Variants in FOXP1 observed in about 807,000 individuals in gnomAD.
FOXP1 encodes forkhead box protein P1.
A neutral mutation model predicts 98.2 loss-of-function variants in FOXP1; 15 were observed. That is an observed-to-expected ratio of 0.15 (90% confidence interval 0.10 to 0.24). The LOEUF is 0.24. Among genes scored for constraint, FOXP1 ranks in the 10% least tolerant of loss-of-function variants. The pLI is 1.00. For synonymous variants in FOXP1, 371 were observed against 314.5 expected, an observed-to-expected ratio of 1.18 and a Z score of -1.90; for missense variants, 633 against 848.5, an observed-to-expected ratio of 0.75 and a Z score of 3.15.
At chr3:71,092,199 AC>A (rs1477339300) in intron 7 of FOXP1, among the ~76,000 whole-genome samples, 1 of 150,644 alleles carries the variant, frequency 6.6e-6, no homozygotes, top group African/African-American at 2.5e-5. Flanking sequence ...CAGAAAAAAA[AC>A]AAAAAACAAA....
At chr3:71,522,675 A>G (rs1423644744) in intron 2 of FOXP1, among the ~76,000 whole-genome samples, 1 of 152,222 alleles carries the variant, frequency 6.6e-6, no homozygotes, top group African/African-American at 2.4e-5. Flanking sequence ...GTTCTGGGCC[A>G]ATGCCAGCCT....
chr3:71,460,211 G>C (rs2087920332), intron 3 of FOXP1, among the ~76,000 whole-genome samples: 1 of 150,878 alleles, frequency 6.6e-6, no homozygotes, highest in Non-Finnish European at 1.5e-5. Flanking sequence ...CCATTTAGCT[G>C]GTCTAGAGGA....
At chr3:71,226,382 T>TA (rs1386673079) in intron 5 of FOXP1, among the ~76,000 whole-genome samples, 2 of 152,148 alleles carry the variant, frequency 1.3e-5, no homozygotes, top group Non-Finnish European at 2.9e-5. Context: ...AGCATTGCCT[T>TA]TTCAGTTTGG....
chr3:71,101,001 G>A (rs2056909053), intron 7 of FOXP1, among the ~76,000 whole-genome samples: 2 of 152,166 alleles, frequency 1.3e-5, no homozygotes, highest in South Asian at 2.1e-4. Context: ...TTTGAGGGGA[G>A]GGGGTGACGG....
Position 71,078,186 on chromosome 3 carries a change from T to C in FOXP1, c.283-24413A>G, listed in dbSNP as rs932145829. On this transcript the variant is annotated intron_variant, in intron 7 of 20. Coordinates refer to ENST00000649528, the MANE Select transcript of FOXP1 (RefSeq NM_001349338.3). ...CTCTGAGAGATGAATTGTGTGCTCT[T>C]TCTTCTTTCTCCACCTGTGGTGCGT... 1.1e-4 allele frequency among the ~76,000 whole-genome samples: 16 copies of C among 152,214 alleles called. 1 individual carries two copies. Among genetic ancestry groups the C allele is most frequent in the African/African-American group, 3.9e-4 (16 of 41,458 alleles).
intron 7 of FOXP1, 21 bp downstream of exon 7, chr3:71,112,514 TA>T: frequency 6.3e-7 from 1 of 1,575,446 alleles, no homozygotes; most frequent in Non-Finnish European, 8.7e-7. Context: ...AATGTCAATT[TA>T]AAAAGAAAAA....
intron 11 of FOXP1, among the ~76,000 whole-genome samples, chr3:71,028,417 A>G (rs1175122426): frequency 1.3e-5 from 2 of 152,190 alleles, no homozygotes; most frequent in African/African-American, 4.8e-5. Context: ...ACTGAATCAG[A>G]AACACTAAGG....
rs755518042 is a variant in FOXP1, at chr3:71,321,122, A to C, written c.-72-21242T>G. On this transcript the variant is annotated intron_variant, in intron 4 of 20. Transcript: ENST00000649528. Reference sequence around the variant, plus strand: ...ACAGTGTCCTAATTTAGACTGTACCAAAAAAAAAAAAAAAAAGGAAAAAAA... The same window carrying C: ...ACAGTGTCCTAATTTAGACTGTACCCAAAAAAAAAAAAAAAAGGAAAAAAA... Among the ~76,000 whole-genome samples, 19 of 43,926 alleles carry C rather than the reference A, an allele frequency of 4.3e-4. No homozygotes were observed. The East Asian group carries it at 4.4e-3, about 10-fold the overall frequency. 28.8% of individuals were successfully genotyped at this position (43,926 alleles called of 152,430 possible).
At chr3:71,391,158 A>C (rs998985645) in intron 3 of FOXP1, among the ~76,000 whole-genome samples, 1 of 152,176 alleles carries the variant, frequency 6.6e-6, no homozygotes, top group Non-Finnish European at 1.5e-5. Flanking sequence ...TAAAACAAAA[A>C]TATCACATAT....
chr3:71,171,897 GACAA>G (rs1198847791), intron 6 of FOXP1, among the ~76,000 whole-genome samples: 1 of 152,134 alleles, frequency 6.6e-6, no homozygotes, highest in Non-Finnish European at 1.5e-5. Context: ...TTTTTCTGTT[GACAA>G]ACAGAGTCCA....
intron 6 of FOXP1, among the ~76,000 whole-genome samples, chr3:71,191,315 C>T (rs557555214): frequency 1.1e-4 from 16 of 152,180 alleles, no homozygotes; most frequent in Non-Finnish European, 2.2e-4. Flanking sequence ...CCTGAAAGTT[C>T]AAAAACAGAC....
intron 6 of FOXP1, among the ~76,000 whole-genome samples, chr3:71,153,151 G>A (rs1462662924): frequency 3.3e-5 from 5 of 152,126 alleles, no homozygotes; most frequent in Admixed American, 3.3e-4. Context: ...GGGGTACCCG[G>A]CAATTGTGCG....
At chr3:71,239,170 G>T (rs1358314769) in intron 5 of FOXP1, among the ~76,000 whole-genome samples, 1 of 152,144 alleles carries the variant, frequency 6.6e-6, no homozygotes, top group African/African-American at 2.4e-5. Context: ...CAGTCTACAT[G>T]CTGGGATAAA....
intron 5 of FOXP1, among the ~76,000 whole-genome samples, chr3:71,254,813 T>C (rs1375934175): frequency 6.6e-6 from 1 of 152,180 alleles, no homozygotes; most frequent in Non-Finnish European, 1.5e-5. Context: ...CAAATCCACA[T>C]TCATATCTCT....
intron 7 of FOXP1, among the ~76,000 whole-genome samples, chr3:71,061,540 T>C (rs2051481011): frequency 6.6e-6 from 1 of 152,180 alleles, no homozygotes; most frequent in Admixed American, 6.5e-5. Context: ...TTATTATACC[T>C]TGACAGTTAA....
chr3:71,174,610 T>C (rs548315563), intron 6 of FOXP1, among the ~76,000 whole-genome samples: 3 of 152,288 alleles, frequency 2.0e-5, no homozygotes, highest in Non-Finnish European at 2.9e-5. Context: ...TGTTTCTGAA[T>C]ACATCAGGGG....
At position 71,041,498 on chromosome 3, in the gene FOXP1, T is replaced by C. The variant is rs944917133; in HGVS notation, c.699A>G (p.Lys233=). ...MIPTELQQLW[K]EVTSAHTAEE... The stretch of plus-strand genomic sequence containing the variant: ...CTGCAGTATGAGCACTTGTCACTTC[T>C]TTCCAGAGCTGCTGCAGTTCTGTTG... Residue 233 remains lysine, a synonymous_variant, in exon 11 of 21, where the codon AAA becomes AAG. Transcript: ENST00000649528. 7.4e-6 allele frequency: 12 copies of C among 1,613,744 alleles called. No individual in the cohort carries two copies. The highest frequency in any genetic ancestry group is 5.3e-5 in the African/African-American group (4 of 74,918).
intron 2 of FOXP1, among the ~76,000 whole-genome samples, chr3:71,551,717 A>G (rs1177642543): frequency 6.6e-6 from 1 of 152,220 alleles, no homozygotes; most frequent in Non-Finnish European, 1.5e-5. Flanking sequence ...TCATTGCCAC[A>G]TAGGTGGGAG....
chr3:71,120,355 G>A (rs1298471502), intron 6 of FOXP1, among the ~76,000 whole-genome samples: 1 of 152,212 alleles, frequency 6.6e-6, no homozygotes, highest in African/African-American at 2.4e-5. Context: ...GAAGGGAAAG[G>A]CTCTATGTAG....
Sources: gnomAD v4.1 joint callset for allele counts (sites outside exome capture counted in the v4.1 genomes callset) on GRCh38, gnomAD v4.1.1 for gene constraint, MANE v1.5 for transcripts, NCBI Gene and HGNC (gene_info 2026-07-23, HGNC 2026-07-21) for gene names.